The following MYO1E variants were observed in gnomAD, a reference collection of about 807,000 sequenced individuals.
MYO1E encodes myosin IE, also known as unconventional myosin-Ie.
A neutral mutation model predicts 151.1 loss-of-function variants in MYO1E; 68 were observed. The ratio of observed to expected loss-of-function variants is 0.45; its 90% CI spans 0.37 to 0.55. The LOEUF is 0.55. Ranked by LOEUF, MYO1E falls within the 20% of genes least tolerant of loss-of-function variation. The pLI is 0.00. For synonymous variants in MYO1E, 601 were observed against 501.7 expected (o/e 1.20, Z -2.64); for missense variants, 1,363 against 1,389.3 (o/e 0.98, Z 0.30).
At chr15:59,341,148 T>A (rs1300649664) in intron 1 of MYO1E, among the ~76,000 whole-genome samples, 1 of 152,176 alleles carries the variant, frequency 6.6e-6, no homozygotes, top group Non-Finnish European at 1.5e-5. Context: ...GCATGCAATG[T>A]GTAATAATCA....
At chr15:59,183,721 T>G (rs1466523319) in intron 18 of MYO1E, among the ~76,000 whole-genome samples, 2 of 152,192 alleles carry the variant, frequency 1.3e-5, no homozygotes, top group Non-Finnish European at 2.9e-5. Flanking sequence ...AAATGTACAG[T>G]TAAATTATAT....
intron 5 of MYO1E, among the ~76,000 whole-genome samples, chr15:59,232,241 C>G (rs529735235): frequency 2.2e-4 from 34 of 152,214 alleles, no homozygotes; most frequent in Non-Finnish European, 4.4e-4. Flanking sequence ...GAAAATTAAT[C>G]CACTTCTCCT....
At chr15:59,269,445 C>A (rs376594974) in intron 2 of MYO1E, among the ~76,000 whole-genome samples, 10 of 152,220 alleles carry the variant, frequency 6.6e-5, no homozygotes, top group African/African-American at 2.4e-4. Flanking sequence ...GGGTGCTGCA[C>A]GTAAAAGTGA....
chr15:59,287,194 C>A (rs1421956633), intron 1 of MYO1E, among the ~76,000 whole-genome samples: 1 of 152,120 alleles, frequency 6.6e-6, no homozygotes, highest in East Asian at 1.9e-4. Context: ...CAACTAAAAG[C>A]CCTAGGATAG....
At chr15:59,145,360 T>G (rs2079435349) in intron 26 of MYO1E, among the ~76,000 whole-genome samples, 1 of 152,198 alleles carries the variant, frequency 6.6e-6, no homozygotes, top group Non-Finnish European at 1.5e-5. Context: ...GTGAGCCAGT[T>G]GTCAAACATG....
intron 26 of MYO1E, 31 bp downstream of exon 26, chr15:59,153,559 C>A (rs1197713065): frequency 6.2e-7 from 1 of 1,604,720 alleles, no homozygotes; most frequent in Non-Finnish European, 8.5e-7. Context: ...TGGAGCTTGC[C>A]GGCTTCATCC....
chr15:59,178,327 G>C, intron 19 of MYO1E, 66 bp downstream of exon 19: 1 of 1,581,826 alleles, frequency 6.3e-7, no homozygotes, highest in South Asian at 1.1e-5. Flanking sequence ...GCCAGCTGAG[G>C]GGTGGAGCAG....
chr15:59,169,405 C>A (rs1270116678), intron 22 of MYO1E, among the ~76,000 whole-genome samples: 1 of 152,222 alleles, frequency 6.6e-6, no homozygotes, highest in Non-Finnish European at 1.5e-5. Context: ...GGGTTCGATT[C>A]TGCACACACA....
intron 1 of MYO1E, among the ~76,000 whole-genome samples, chr15:59,279,648 C>G (rs536718842): frequency 6.6e-6 from 1 of 152,282 alleles, no homozygotes; most frequent in South Asian, 2.1e-4. Context: ...GACTGACCAT[C>G]AAACCACCCC....
At chr15:59,181,771 G>A (rs1566972344) in intron 18 of MYO1E, among the ~76,000 whole-genome samples, 1 of 152,194 alleles carries the variant, frequency 6.6e-6, no homozygotes, top group South Asian at 2.1e-4. Context: ...TAGGGAGGGT[G>A]TATAATACAT....
At chr15:59,336,904 C>G (rs1279102743) in intron 1 of MYO1E, among the ~76,000 whole-genome samples, 10 of 152,218 alleles carry the variant, frequency 6.6e-5, no homozygotes, top group African/African-American at 2.4e-4. Flanking sequence ...TCATCCATGT[C>G]CCTGCAAAGG....
chr15:59,216,953 T>C (rs1278308044), intron 10 of MYO1E, among the ~76,000 whole-genome samples: 1 of 151,928 alleles, frequency 6.6e-6, no homozygotes, highest in Non-Finnish European at 1.5e-5. Flanking sequence ...TCACTCGCTC[T>C]GGGGAAAACC....
chr15:59,233,685 A>G (rs63430560), intron 5 of MYO1E, among the ~76,000 whole-genome samples: 1 of 143,128 alleles, frequency 7.0e-6, no homozygotes, highest in African/African-American at 2.5e-5. Context: ...AAAAAAAAAA[A>G]GGCAGCAAAA....
chr15:59,225,650 C>CTTTTTTT (rs113019199), intron 7 of MYO1E, among the ~76,000 whole-genome samples: 1 of 139,274 alleles, frequency 7.2e-6, no homozygotes. Flanking sequence ...CTTTTCTTTT[C>CTTTTTTT]TTTTTTTTTT....
At chr15:59,279,507 G>C (rs893868061) in intron 1 of MYO1E, among the ~76,000 whole-genome samples, 1 of 152,276 alleles carries the variant, frequency 6.6e-6, no homozygotes, top group Non-Finnish European at 1.5e-5. Context: ...AGCCCTCCCA[G>C]CCAAGACCCT....
chr15:59,339,766 C>A (rs1023468065), intron 1 of MYO1E, among the ~76,000 whole-genome samples: 3 of 152,194 alleles, frequency 2.0e-5, no homozygotes, highest in Non-Finnish European at 4.4e-5. Flanking sequence ...GGCCTGAAGA[C>A]TGCTTGAGCC....
At chr15:59,166,294 C>CAG (rs1390074855) in intron 22 of MYO1E, among the ~76,000 whole-genome samples, 2 of 152,216 alleles carry the variant, frequency 1.3e-5, no homozygotes, top group Non-Finnish European at 2.9e-5. Context: ...TCTAAAAAGT[C>CAG]AGACTTATCT....
intron 9 of MYO1E, among the ~76,000 whole-genome samples, chr15:59,220,401 A>G (rs558240740): frequency 3.3e-5 from 5 of 152,380 alleles, no homozygotes; most frequent in African/African-American, 9.6e-5. Flanking sequence ...GTGAGCCGAG[A>G]TAGCGCCACT....
In MYO1E at chr15:59,236,689, A is replaced by G. The variant is rs2080068751; in HGVS notation, c.333-17T>C. On this transcript the variant is annotated splice_polypyrimidine_tract_variant and intron_variant, in intron 4 of 27. Coordinates refer to ENST00000288235, the MANE Select transcript of MYO1E (RefSeq NM_004998.4). ...CTTTCACCACTAAAGAAAGACAGAC[A>G]AAGAATCCACCTGAGAAGTGGATTG... The G allele has an allele frequency of 6.3e-7, 1 of 1,597,864 alleles. No homozygotes were observed. Among genetic ancestry groups the G allele is most frequent in the Non-Finnish European group, 8.6e-7 (1 of 1,165,284 alleles).
Sources: gnomAD v4.1 joint callset for allele counts (sites outside exome capture counted in the v4.1 genomes callset) on GRCh38, gnomAD v4.1.1 for gene constraint, MANE v1.5 for transcripts, NCBI Gene and HGNC (gene_info 2026-07-23, HGNC 2026-07-21) for gene names.